TAOK3: variants seen among roughly 807,000 people sequenced by gnomAD.
TAOK3 encodes the protein serine/threonine-protein kinase TAO3.
A neutral mutation model predicts 120.4 loss-of-function variants in TAOK3; 40 were observed. The observed-to-expected ratio is 0.33, with a 90% confidence interval of 0.26 to 0.43. The LOEUF is 0.43. Ranked by LOEUF, TAOK3 falls within the 20% of genes least tolerant of loss-of-function variation. The pLI is 1.00. For missense variants in TAOK3, 821 were observed against 1,112.1 expected, an observed-to-expected ratio of 0.74 and a Z score of 3.72; for synonymous variants, 355 against 387.5, an observed-to-expected ratio of 0.92 and a Z score of 0.99.
At chr12:118,272,031 T>C (rs1372614922) in intron 1 of TAOK3, among the ~76,000 whole-genome samples, 1 of 152,238 alleles carries the variant, frequency 6.6e-6, no homozygotes, top group African/African-American at 2.4e-5. Context: ...TCATCAGAGA[T>C]GTGCAATTGA....
intron 14 of TAOK3, among the ~76,000 whole-genome samples, chr12:118,187,032 A>C (rs1194595340): frequency 6.6e-6 from 1 of 152,246 alleles, no homozygotes. Context: ...TTGAAGAAGT[A>C]GGCTCATAAA....
In TAOK3 at chr12:118,371,084, G is replaced by A. The variant is rs974594247; in HGVS notation, c.-194+1564C>T. ...AACCTAGTATAGTTCCTTTAAATCT[G>A]CATTGTAAACATTGATACTGATATG... On this transcript the variant is annotated intron_variant, in intron 1 of 20. Coordinates refer to ENST00000392533, the MANE Select transcript of TAOK3 (RefSeq NM_016281.4). This position sits in a 1 kb window ranked among gnomAD's most constrained non-coding sequence, Gnocchi z 5.5. Among the ~76,000 whole-genome samples, 3 of 152,176 alleles carry A rather than the reference G, an allele frequency of 2.0e-5. No homozygotes were observed. The highest frequency in any genetic ancestry group is 7.2e-5 in the African/African-American group (3 of 41,436).
chr12:118,359,598 T>C (rs768441833), intron 1 of TAOK3: 2 of 152,250 alleles, frequency 1.3e-5, no homozygotes, highest in African/African-American at 2.4e-5. Context: ...TTTAAACTTA[T>C]GTATTTAAAA....
intron 13 of TAOK3, among the ~76,000 whole-genome samples, chr12:118,191,803 TAA>T (rs2037446360): frequency 6.6e-6 from 1 of 152,156 alleles, no homozygotes; most frequent in Non-Finnish European, 1.5e-5. Flanking sequence ...AAATTCAACT[TAA>T]TATTACAGTG....
At chr12:118,192,394 A>G (rs898534380) in intron 13 of TAOK3, among the ~76,000 whole-genome samples, 1 of 152,136 alleles carries the variant, frequency 6.6e-6, no homozygotes, top group African/African-American at 2.4e-5. Context: ...GCTTCCCCCT[A>G]CATTTTTTTC....
intron 1 of TAOK3, among the ~76,000 whole-genome samples, chr12:118,326,213 T>C (rs2043929166): frequency 6.6e-6 from 1 of 152,230 alleles, no homozygotes; most frequent in Admixed American, 6.5e-5. Context: ...AAGGGTCTAG[T>C]TTCATTCTTC....
At chr12:118,286,560 A>G (rs2140472068) in intron 1 of TAOK3, among the ~76,000 whole-genome samples, 1 of 152,166 alleles carries the variant, frequency 6.6e-6, no homozygotes, top group Middle Eastern at 3.4e-3. Flanking sequence ...CCATAATAAA[A>G]AAAAAAAAAC....
chr12:118,280,971 A>G (rs2042079218), intron 1 of TAOK3, among the ~76,000 whole-genome samples: 1 of 152,034 alleles, frequency 6.6e-6, no homozygotes, highest in African/African-American at 2.4e-5. Context: ...TTTGAATGGG[A>G]TTGCATTCTT....
chr12:118,268,956 C>T (rs901421530), intron 1 of TAOK3, among the ~76,000 whole-genome samples: 3 of 151,608 alleles, frequency 2.0e-5, no homozygotes, highest in South Asian at 2.1e-4. Flanking sequence ...TGGGGTGAGC[C>T]GAGATCATGC....
chr12:118,200,632 A>G (rs1178042841), intron 12 of TAOK3: 1 of 152,204 alleles, frequency 6.6e-6, no homozygotes, highest in African/African-American at 2.4e-5. Flanking sequence ...GCAAGAGTTT[A>G]TAATGCCAGG....
At chr12:118,237,461 T>C (rs1013723850) in intron 7 of TAOK3, among the ~76,000 whole-genome samples, 2 of 152,032 alleles carry the variant, frequency 1.3e-5, no homozygotes, top group African/African-American at 2.4e-5. Context: ...GTGGTTGTGG[T>C]AGAGAAAATA....
intron 1 of TAOK3, among the ~76,000 whole-genome samples, chr12:118,365,665 C>T (rs774595983): frequency 5.9e-5 from 9 of 152,150 alleles, no homozygotes; most frequent in Non-Finnish European, 1.0e-4. Context: ...CACTCAATTC[C>T]CATTTACTGA....
At chr12:118,266,995 G>A (rs1219224961) in intron 1 of TAOK3, among the ~76,000 whole-genome samples, 2 of 152,164 alleles carry the variant, frequency 1.3e-5, no homozygotes, top group African/African-American at 4.8e-5. Flanking sequence ...AATCTATACT[G>A]AAGCTTCCAC....
At chr12:118,309,362 T>C (rs2043180834) in intron 1 of TAOK3, among the ~76,000 whole-genome samples, 1 of 147,428 alleles carries the variant, frequency 6.8e-6, no homozygotes. Flanking sequence ...CCTTCTAGGG[T>C]AGATTTTGTA....
chr12:118,181,073 G>A (rs938089987), intron 15 of TAOK3, among the ~76,000 whole-genome samples: 14 of 152,088 alleles, frequency 9.2e-5, no homozygotes, highest in African/African-American at 3.4e-4. Context: ...TCGAACTCCT[G>A]ACCTCAGGTG....
intron 15 of TAOK3, among the ~76,000 whole-genome samples, chr12:118,178,433 G>A (rs1468586759): frequency 6.6e-6 from 1 of 151,972 alleles, no homozygotes; most frequent in African/African-American, 2.4e-5. Context: ...ATCAACTCAA[G>A]TGTAATTGGA....
intron 13 of TAOK3, among the ~76,000 whole-genome samples, chr12:118,194,531 T>C (rs1333739405): frequency 6.6e-6 from 1 of 151,176 alleles, no homozygotes; most frequent in African/African-American, 2.4e-5. Context: ...GACCCACCCC[T>C]CTATTCAGCA....
chr12:118,352,167 C>T (rs779553807), intron 1 of TAOK3, among the ~76,000 whole-genome samples: 1 of 151,652 alleles, frequency 6.6e-6, no homozygotes, highest in East Asian at 1.9e-4. Context: ...CCACCGCGCC[C>T]GGCCTAATCT....
chr12:118,231,471 A>C (rs1271424778), intron 9 of TAOK3, among the ~76,000 whole-genome samples: 1 of 152,036 alleles, frequency 6.6e-6, no homozygotes, highest in Non-Finnish European at 1.5e-5. Context: ...TCAATGAAAC[A>C]TTGGCAATGT....
Sources: gnomAD v4.1 joint callset for allele counts (sites outside exome capture counted in the v4.1 genomes callset) on GRCh38, gnomAD v4.1.1 for gene constraint, Gnocchi (gnomAD v3.1) non-coding constraint, MANE v1.5 for transcripts, NCBI Gene and HGNC (gene_info 2026-07-23, HGNC 2026-07-21) for gene names.